LPIN2: variants seen among roughly 807,000 people sequenced by gnomAD.
LPIN2 encodes the protein lipin 2, also known as phosphatidate phosphatase LPIN2.
Under a neutral mutation model 111.4 loss-of-function variants are expected in LPIN2, and 55 were observed. The observed-to-expected ratio is 0.49, with a 90% CI of 0.40 to 0.62. The LOEUF is 0.62. Ranked by LOEUF, LPIN2 falls within the 20% of genes least tolerant of loss-of-function variation. LPIN2 has a pLI of 0.00. For synonymous variants in LPIN2, 425 were observed against 414.0 expected, an observed-to-expected ratio of 1.03 and a Z score of -0.32; for missense variants, 992 against 1,112.1, an observed-to-expected ratio of 0.89 and a Z score of 1.54.
chr18:2,984,834 G>C (rs1318491878), intron 1 of LPIN2, among the ~76,000 whole-genome samples: 1 of 152,068 alleles, frequency 6.6e-6, no homozygotes, highest in Non-Finnish European at 1.5e-5. Flanking sequence ...GTGCTTTTTT[G>C]TGTTATGCCA....
intron 2 of LPIN2, among the ~76,000 whole-genome samples, chr18:2,956,311 GGTGTGTGT>G (rs55844718): frequency 0.49 from 70,350 of 143,982 alleles, 18,419 homozygotes; most frequent in Non-Finnish European, 0.59. Context: ...TAGATGCAGG[GGTGTGTGT>G]GTGTGTGTGT....
intron 1 of LPIN2, among the ~76,000 whole-genome samples, chr18:2,983,762 G>A (rs1248889253): frequency 1.3e-5 from 2 of 151,912 alleles, no homozygotes; most frequent in Non-Finnish European, 2.9e-5. Flanking sequence ...GATATACTGA[G>A]TTAAATAAGA....
chr18:2,933,907 C>G (rs1329959928), intron 8 of LPIN2, among the ~76,000 whole-genome samples: 1 of 152,224 alleles, frequency 6.6e-6, no homozygotes, highest in African/African-American at 2.4e-5. Context: ...CAGTGCCCCA[C>G]CAGACCCAGA....
intron 1 of LPIN2, among the ~76,000 whole-genome samples, chr18:2,982,090 T>A (rs2078119739): frequency 6.6e-6 from 1 of 152,194 alleles, no homozygotes; most frequent in South Asian, 2.1e-4. Context: ...TTATATTTTG[T>A]AACAAGAGAG....
intron 4 of LPIN2, among the ~76,000 whole-genome samples, chr18:2,948,692 G>A (rs2077491487): frequency 6.6e-6 from 1 of 152,122 alleles, no homozygotes; most frequent in Non-Finnish European, 1.5e-5. Context: ...GCATTACAAG[G>A]CTGATCCTAA....
At chr18:3,007,922 G>A (rs1393619191) in intron 1 of LPIN2, among the ~76,000 whole-genome samples, 2 of 152,192 alleles carry the variant, frequency 1.3e-5, no homozygotes, top group African/African-American at 4.8e-5. Context: ...TTAAAGCCAT[G>A]TCTCCAGTGC....
intron 1 of LPIN2, among the ~76,000 whole-genome samples, chr18:2,983,675 T>G (rs7245071): frequency 0.017 from 2,616 of 152,302 alleles, 72 homozygotes; most frequent in African/African-American, 0.058. Context: ...CACACTGGAT[T>G]TCCATGACTA....
intron 19 of LPIN2, 134 bp downstream of exon 19, chr18:2,920,644 C>A: frequency 2.5e-6 from 2 of 802,562 alleles, no homozygotes; most frequent in Non-Finnish European, 4.3e-6. Flanking sequence ...AGAGAGATAC[C>A]CACAGAGGAG....
At chr18:2,929,022 A>T in intron 10 of LPIN2, 43 bp downstream of exon 10, 7 of 1,292,954 alleles carry the variant, frequency 5.4e-6, no homozygotes, top group Non-Finnish European at 7.9e-6. Flanking sequence ...CTTGTAAAAA[A>T]ACTGCAAGAG....
intron 1 of LPIN2, among the ~76,000 whole-genome samples, chr18:2,963,088 G>T (rs926484730): frequency 2.0e-5 from 3 of 152,178 alleles, no homozygotes; most frequent in South Asian, 2.1e-4. Context: ...CAAATAACTG[G>T]TTTTCTCTTG....
intron 1 of LPIN2, among the ~76,000 whole-genome samples, chr18:2,998,420 C>G (rs2078377727): frequency 6.6e-6 from 1 of 152,228 alleles, no homozygotes; most frequent in Non-Finnish European, 1.5e-5. Context: ...ACTCACTGAT[C>G]TGCTCAACAG....
chr18:2,955,169 T>A (rs2077590496), intron 2 of LPIN2, among the ~76,000 whole-genome samples: 1 of 152,168 alleles, frequency 6.6e-6, no homozygotes, highest in South Asian at 2.1e-4. Flanking sequence ...CAGGTAGACA[T>A]ATGCGTTGGG....
At position 2,918,526 on chromosome 18, in the gene LPIN2, G is replaced by A. The variant is rs1007574667; in HGVS notation, c.*1767C>T. 3 of 152,120 alleles carry A rather than the reference G, an allele frequency of 2.0e-5. No individual in the cohort carries two copies. The highest frequency in any genetic ancestry group is 1.3e-4 in the Admixed American group (2 of 15,270). 9.4% of individuals were successfully genotyped at this position (152,120 alleles called of 1,614,324 possible). ...AAGAACTTCATATAAACAGAACCCA[G>A]GATCCCTAACCTACTGTAGATAAAT... On this transcript the variant is annotated 3_prime_UTR_variant, in exon 20 of 20. Coordinates refer to ENST00000677752, the MANE Select transcript of LPIN2 (RefSeq NM_001375808.2).
intron 17 of LPIN2, 73 bp downstream of exon 17, chr18:2,921,974 A>ATCC: frequency 6.6e-7 from 1 of 1,526,510 alleles, no homozygotes; most frequent in Non-Finnish European, 8.8e-7. Context: ...GTTCCCACAC[A>ATCC]TCCCCCCACC....
In LPIN2 at chr18:2,931,413, G is replaced by C. The variant is rs781673368; in HGVS notation, c.1299C>G (p.Pro433=). ...GGGAGCCAGAGAGTGTGTCAGACTC[G>C]GGCCACTGCCTGGAACCGGGCTCCG... ...SESEPGSRQW[P]ESDTLSGSQS... The change falls in exon 9 of 20, where the codon CCC becomes CCG. Residue 433 remains proline (P), a synonymous_variant. Coordinates refer to ENST00000677752, the MANE Select transcript of LPIN2 (RefSeq NM_001375808.2). 9.4e-6 allele frequency: 15 copies of C among 1,602,936 alleles called. No individual in the cohort carries two copies. Among genetic ancestry groups the C allele is most frequent in the Admixed American group, 1.7e-5 (1 of 57,844 alleles).
At chr18:2,935,228 G>C (rs2077269975) in intron 7 of LPIN2, among the ~76,000 whole-genome samples, 1 of 152,122 alleles carries the variant, frequency 6.6e-6, no homozygotes, top group African/African-American at 2.4e-5. Context: ...GGATTTATTG[G>C]CTTAGATGAA....
At chr18:2,947,846 G>A (rs1370104342) in intron 4 of LPIN2, among the ~76,000 whole-genome samples, 5 of 152,108 alleles carry the variant, frequency 3.3e-5, no homozygotes, top group Non-Finnish European at 7.4e-5. Flanking sequence ...TTTTGAACAC[G>A]TTGTTTCATA....
intron 15 of LPIN2, among the ~76,000 whole-genome samples, 166 bp downstream of exon 15, chr18:2,924,232 A>C (rs2077098154): frequency 6.6e-6 from 1 of 152,186 alleles, no homozygotes; most frequent in South Asian, 2.1e-4. Context: ...CATGCAAAAA[A>C]ATGACCCCAT....
chr18:2,940,517 G>A lies in LPIN2; in HGVS notation c.698+88C>T. Reference sequence around the variant, plus strand: ...TTCCTTGGCTGTGTGAGAGAAATGGGAAATATCATTACTACAGATTAACAG... The same window carrying A: ...TTCCTTGGCTGTGTGAGAGAAATGGAAAATATCATTACTACAGATTAACAG... On this transcript the variant is annotated intron_variant, in intron 5 of 19. Transcript: ENST00000677752. The A allele has an allele frequency of 5.2e-6, 4 of 770,660 alleles. No homozygotes were observed. The South Asian group carries it at 6.0e-5, about 11-fold the overall frequency. 47.7% of individuals were successfully genotyped at this position (770,660 alleles called of 1,614,324 possible).
Sources: gnomAD v4.1 joint callset for allele counts (sites outside exome capture counted in the v4.1 genomes callset) on GRCh38, gnomAD v4.1.1 for gene constraint, MANE v1.5 for transcripts, NCBI Gene and HGNC (gene_info 2026-07-23, HGNC 2026-07-21) for gene names.